The following EPHA7 variants were observed in gnomAD, a reference collection of about 807,000 sequenced individuals.
The protein encoded by EPHA7 is ephrin type-A receptor 7.
In EPHA7, 25 loss-of-function variants were observed where a neutral mutation model predicts 112.6. That is an observed-to-expected ratio of 0.22 (90% confidence interval 0.16 to 0.31). The LOEUF is 0.31. EPHA7 is among the 10% of genes least tolerant of loss of function. EPHA7 has a pLI of 1.00. For synonymous variants in EPHA7, 437 were observed against 406.5 expected (o/e 1.07, Z -0.90); for missense variants, 962 against 1,212.6 (o/e 0.79, Z 3.07).
At chr6:93,408,235 G>A (rs1161618170) in intron 3 of EPHA7, among the ~76,000 whole-genome samples, 2 of 151,764 alleles carry the variant, frequency 1.3e-5, no homozygotes, top group African/African-American at 2.4e-5. Flanking sequence ...TATCAATCAA[G>A]TTCTGCATAA....
intron 1 of EPHA7, among the ~76,000 whole-genome samples, chr6:93,418,745 T>TC (rs1779373320): frequency 6.6e-6 from 1 of 152,156 alleles, no homozygotes; most frequent in African/African-American, 2.4e-5. Context: ...TCCGAGCTCA[T>TC]CGAAGTCTCG....
intron 4 of EPHA7, among the ~76,000 whole-genome samples, chr6:93,357,742 C>A (rs889110134): frequency 6.6e-6 from 1 of 152,040 alleles, no homozygotes; most frequent in African/African-American, 2.4e-5. Flanking sequence ...CAACCTCCGC[C>A]TCCCAGGTTC....
chr6:93,261,203 T>C lies in EPHA7; in HGVS notation c.1799-1724A>G, dbSNP rs575670669. Among the ~76,000 whole-genome samples, 10 of 151,706 alleles carry C rather than the reference T, an allele frequency of 6.6e-5. No individual in the cohort carries two copies. In the South Asian group the frequency reaches 2.1e-3, roughly 31 times the overall value. The stretch of plus-strand genomic sequence containing the variant: ...CGAATTGCTTCACTAAATTCCTCCA[T>C]TGTGTTTATATCTTTAAATGTAGCA... On this transcript the variant is annotated intron_variant, in intron 9 of 16. Coordinates refer to ENST00000369303, the MANE Select transcript of EPHA7 (RefSeq NM_004440.4).
At chr6:93,259,768 G>T (rs1448418057) in intron 9 of EPHA7, among the ~76,000 whole-genome samples, 2 of 151,870 alleles carry the variant, frequency 1.3e-5, no homozygotes, top group Admixed American at 6.6e-5. Flanking sequence ...CAGACTGGAG[G>T]TTTAATTAAA....
rs1044853276 is a variant in EPHA7, at chr6:93,245,459, T to A, written c.2727-6A>T. 5.0e-6 allele frequency: 8 copies of A among 1,603,104 alleles called. No individual in the cohort carries two copies. The highest frequency in any genetic ancestry group is 1.7e-5 in the Admixed American group (1 of 57,232). Reference sequence around the variant, plus strand: ...CCAGAAGAGGGCTTATTGGCCTAGATAAAAATGAAACAGAAAAGCGAACAT... The same window carrying A: ...CCAGAAGAGGGCTTATTGGCCTAGAAAAAAATGAAACAGAAAAGCGAACAT... On this transcript the variant is annotated splice_region_variant and splice_polypyrimidine_tract_variant and intron_variant, in intron 15 of 16. Coordinates refer to ENST00000369303, the MANE Select transcript of EPHA7 (RefSeq NM_004440.4).
chr6:93,254,964 T>C (rs554573173), intron 13 of EPHA7, among the ~76,000 whole-genome samples, 168 bp from the exon 14 acceptor site: 5 of 152,294 alleles, frequency 3.3e-5, no homozygotes, highest in Admixed American at 1.3e-4. Flanking sequence ...ATTTTTAGAA[T>C]ACCATTACAA....
chr6:93,321,411 T>C (rs1295782207), intron 5 of EPHA7, among the ~76,000 whole-genome samples: 2 of 151,944 alleles, frequency 1.3e-5, no homozygotes, highest in African/African-American at 2.4e-5. Context: ...TTCCTGCATA[T>C]GTATCTCTGT....
intron 3 of EPHA7, among the ~76,000 whole-genome samples, chr6:93,365,258 G>GT (rs1420862223): frequency 6.6e-6 from 1 of 152,180 alleles, no homozygotes; most frequent in African/African-American, 2.4e-5. Context: ...ATTATGAACT[G>GT]TAAGTAGATT....
At chr6:93,360,530 A>G (rs1033299137) in intron 3 of EPHA7, among the ~76,000 whole-genome samples, 1 of 152,092 alleles carries the variant, frequency 6.6e-6, no homozygotes, top group African/African-American at 2.4e-5. Context: ...CAATGGCAAC[A>G]CGATTTAACA....
At chr6:93,380,801 A>G (rs1367156605) in intron 3 of EPHA7, among the ~76,000 whole-genome samples, 1 of 152,156 alleles carries the variant, frequency 6.6e-6, no homozygotes, top group Non-Finnish European at 1.5e-5. Context: ...TCCACCCAGT[A>G]AAGAAGAGCC....
At chr6:93,371,495 C>T (rs964863845) in intron 3 of EPHA7, among the ~76,000 whole-genome samples, 6 of 149,648 alleles carry the variant, frequency 4.0e-5, no homozygotes, top group African/African-American at 1.5e-4. Context: ...CTGTAACTCA[C>T]CCCCCTTGAT....
rs758521423 is a variant in EPHA7 at position 93,246,992 on chromosome 6, G to A, written c.2533-7C>T. 1 of 1,559,162 alleles carries A rather than the reference G, an allele frequency of 6.4e-7. No individual in the cohort carries two copies. The highest frequency in any genetic ancestry group is 8.8e-7 in the Non-Finnish European group (1 of 1,141,760). On this transcript the variant is annotated splice_region_variant and splice_polypyrimidine_tract_variant and intron_variant, in intron 14 of 16. Transcript: ENST00000369303. The stretch of plus-strand genomic sequence containing the variant: ...CTTCTATTGCTTTTATAACCTAATA[G>A]CCAAAAGGACATTACAAATATTACT...
chr6:93,363,298 A>G (rs944512973), intron 3 of EPHA7, among the ~76,000 whole-genome samples: 1 of 144,464 alleles, frequency 6.9e-6, no homozygotes. Context: ...TATCTCCCCT[A>G]TAACACTGAG....
intron 6 of EPHA7, 85 bp from the exon 7 acceptor site, chr6:93,269,745 G>A: frequency 8.7e-7 from 1 of 1,151,000 alleles, no homozygotes; most frequent in Non-Finnish European, 1.2e-6. Context: ...AATTCAATTT[G>A]CTCCATTGTT....
rs1779408366 is a variant in EPHA7 at position 93,419,229 on chromosome 6, T to A, written c.97+16A>T. On this transcript the variant is annotated intron_variant, in intron 1 of 16. Transcript: ENST00000369303. ...ATAAATAAGTCAGAACAAACTTTGCTTTCCCATCACCTTACCTTCCTTCGC... is the reference window on the plus strand; with the variant it reads ...ATAAATAAGTCAGAACAAACTTTGCATTCCCATCACCTTACCTTCCTTCGC... 5 of 1,606,964 alleles carry A rather than the reference T, an allele frequency of 3.1e-6. No homozygotes were observed. In the African/African-American group the frequency reaches 4.0e-5, roughly 13 times the overall value.
intron 5 of EPHA7, among the ~76,000 whole-genome samples, chr6:93,313,296 C>T (rs1003967167): frequency 1.6e-4 from 24 of 151,804 alleles, no homozygotes; most frequent in African/African-American, 5.1e-4. Context: ...GTAATGTTTT[C>T]AAAAAGATTT....
At chr6:93,405,735 C>T (rs544103448) in intron 3 of EPHA7, among the ~76,000 whole-genome samples, 9 of 145,988 alleles carry the variant, frequency 6.2e-5, no homozygotes, top group African/African-American at 1.5e-4. Context: ...ACTGTGACTC[C>T]GGCATCTGAG....
At chr6:93,295,367 T>C (rs751711199) in intron 5 of EPHA7, among the ~76,000 whole-genome samples, 2 of 149,098 alleles carry the variant, frequency 1.3e-5, no homozygotes, top group Admixed American at 7.1e-5. Flanking sequence ...TGCTCTCCAT[T>C]TTGGTAGTTT....
intron 14 of EPHA7, among the ~76,000 whole-genome samples, chr6:93,249,089 G>C (rs570463218): frequency 2.0e-5 from 3 of 152,212 alleles, no homozygotes; most frequent in Non-Finnish European, 4.4e-5. Context: ...ACCTTAATCA[G>C]TGTTGGTACT....
Sources: gnomAD v4.1 joint callset for allele counts (sites outside exome capture counted in the v4.1 genomes callset) on GRCh38, gnomAD v4.1.1 for gene constraint, MANE v1.5 for transcripts, NCBI Gene and HGNC (gene_info 2026-07-23, HGNC 2026-07-21) for gene names.